Variants in ERO1A observed in about 807,000 individuals in gnomAD.
ERO1A encodes the protein ERO1-like protein alpha.
In ERO1A, 49 loss-of-function variants were observed where a neutral mutation model predicts 76.9. The ratio of observed to expected loss-of-function variants is 0.64; its 90% CI spans 0.51 to 0.81. The LOEUF is 0.81. ERO1A is among the 30% of genes least tolerant of loss of function. The pLI is 0.00. For missense variants in ERO1A, 448 were observed against 542.1 expected (o/e 0.83, Z 1.72); for synonymous variants, 174 against 181.2 (o/e 0.96, Z 0.32).
chr14:52,657,480 C>A (rs1276279112), intron 11 of ERO1A, among the ~76,000 whole-genome samples: 1 of 152,138 alleles, frequency 6.6e-6, no homozygotes, highest in Non-Finnish European at 1.5e-5. Context: ...AAATATGGTA[C>A]TGATGAAAAT....
intron 1 of ERO1A, among the ~76,000 whole-genome samples, chr14:52,688,978 G>A (rs1041746390): frequency 3.3e-5 from 5 of 151,368 alleles, no homozygotes; most frequent in African/African-American, 7.3e-5. Flanking sequence ...TTTTTGAGAC[G>A]GAGTTTTATT....
chr14:52,663,663 G>GT, intron 8 of ERO1A, 138 bp downstream of exon 8: 1 of 523,272 alleles, frequency 1.9e-6, no homozygotes, highest in East Asian at 3.2e-5. Context: ...CTCTGCAAGC[G>GT]TGAGGCATAA....
chr14:52,646,214 G>C lies in ERO1A; in HGVS notation c.1286C>G (p.Pro429Arg). 6.2e-7 allele frequency: 1 copy of C among 1,613,638 alleles called. No homozygotes were observed. Among genetic ancestry groups the C allele is most frequent in the East Asian group, 2.2e-5 (1 of 44,838 alleles). Reference sequence around the variant, plus strand: ...TCTGGTTAGATGGAATTCATAACTAGGTCCACTTTCTGGCATATTTGCTAT... The same window carrying C: ...TCTGGTTAGATGGAATTCATAACTACGTCCACTTTCTGGCATATTTGCTAT... Reference protein sequence around the residue: ...KLIANMPESGPSYEFHLTRQE... With the variant: ...KLIANMPESGRSYEFHLTRQE... Residue 429 changes from proline (P) to arginine (R), a missense_variant, in exon 15 of 16, where the codon CCT becomes CGT. By Grantham distance (103) the Pro-to-Arg change is moderately radical. Transcript: ENST00000395686.
intron 8 of ERO1A, among the ~76,000 whole-genome samples, chr14:52,663,561 C>CAG (rs2040301777): frequency 6.6e-6 from 1 of 150,674 alleles, no homozygotes; most frequent in African/African-American, 2.5e-5. Context: ...AGTCACGCCA[C>CAG]TGCACTCCAG....
intron 6 of ERO1A, 100 bp downstream of exon 6, chr14:52,671,530 G>C (rs2040596777): frequency 5.4e-6 from 4 of 743,908 alleles, no homozygotes; most frequent in Non-Finnish European, 6.4e-6. Context: ...GATAAGCTGG[G>C]ACTACAGGCA....
At chr14:52,693,797 C>T (rs368275823) in intron 1 of ERO1A, among the ~76,000 whole-genome samples, 1 of 151,978 alleles carries the variant, frequency 6.6e-6, no homozygotes, top group African/African-American at 2.4e-5. Flanking sequence ...CACACCCAGC[C>T]CAATTTACTA....
At chr14:52,694,964 C>T (rs560539604) in intron 1 of ERO1A, among the ~76,000 whole-genome samples, 9 of 152,218 alleles carry the variant, frequency 5.9e-5, no homozygotes, top group Non-Finnish European at 1.0e-4. Context: ...TGGCGAAATG[C>T]ACGCAGCACA....
chr14:52,662,844 A>G (rs2040271897), intron 8 of ERO1A, among the ~76,000 whole-genome samples: 1 of 152,214 alleles, frequency 6.6e-6, no homozygotes, highest in Non-Finnish European at 1.5e-5. Context: ...GGCTCTATAT[A>G]GAGAGATAAA....
rs1388977432 is a variant in ERO1A, at chr14:52,640,668, A to G, written c.*2902T>C. On this transcript the variant is annotated 3_prime_UTR_variant, in exon 16 of 16. Transcript: ENST00000395686. ...CTGTAGGTATTTATTAATAATAGCA[A>G]TGAAGATGAAAGAGTGATGTATCAG... 1 of 152,216 alleles carries G rather than the reference A, an allele frequency of 6.6e-6. No homozygotes were observed. Among genetic ancestry groups the G allele is most frequent in the Non-Finnish European group, 1.5e-5 (1 of 68,054 alleles). 9.4% of individuals were successfully genotyped at this position (152,216 alleles called of 1,614,324 possible). A position where few individuals can be genotyped will look rare whatever the true frequency, so the allele number is the denominator to read the frequency against.
chr14:52,692,774 G>T (rs973305532), intron 1 of ERO1A, among the ~76,000 whole-genome samples: 7 of 152,044 alleles, frequency 4.6e-5, no homozygotes, highest in African/African-American at 1.7e-4. Flanking sequence ...TTGAATGAAT[G>T]ATTTGCACCA....
In ERO1A at chr14:52,643,132, C is replaced by T. The variant is rs2039530213; in HGVS notation, c.*438G>A. The T allele has an allele frequency of 2.0e-5, 3 of 152,402 alleles. No individual in the cohort carries two copies. Among genetic ancestry groups the T allele is most frequent in the Admixed American group, 1.3e-4 (2 of 15,286 alleles). 9.4% of individuals were successfully genotyped at this position (152,402 alleles called of 1,614,324 possible). On this transcript the variant is annotated 3_prime_UTR_variant, in exon 16 of 16. Coordinates refer to ENST00000395686, the MANE Select transcript of ERO1A (RefSeq NM_014584.3). ...TATTTTTATTTGCTAAATCCAGCAACCCTAAATGTACTGAAAAATTCTACG... is the reference window on the plus strand; with the variant it reads ...TATTTTTATTTGCTAAATCCAGCAATCCTAAATGTACTGAAAAATTCTACG...
rs1410447787 is a variant in ERO1A at position 52,642,411 on chromosome 14, AC to A, written c.*1158del. On this transcript the variant is annotated 3_prime_UTR_variant, in exon 16 of 16. Transcript: ENST00000395686. ...AATAAATAGCCTACCCTATTACTAT[AC>A]ACATCAAGCATAAAACGGGCAACAA... 6.6e-5 allele frequency: 10 copies of A among 152,162 alleles called. No homozygotes were observed. Among genetic ancestry groups the A allele is most frequent in the Non-Finnish European group, 1.5e-4 (10 of 68,030 alleles). 9.4% of individuals were successfully genotyped at this position (152,162 alleles called of 1,614,324 possible).
intron 8 of ERO1A, among the ~76,000 whole-genome samples, 165 bp from the exon 9 acceptor site, chr14:52,661,469 T>C (rs1199981938): frequency 6.6e-6 from 1 of 152,166 alleles, no homozygotes; most frequent in East Asian, 1.9e-4. Flanking sequence ...TGCAACTCTA[T>C]CTGGTAGTGA....
chr14:52,675,201 T>C (rs534819084), intron 4 of ERO1A, among the ~76,000 whole-genome samples: 42 of 152,104 alleles, frequency 2.8e-4, no homozygotes, highest in Non-Finnish European at 5.1e-4. Flanking sequence ...TTGGCCAACA[T>C]GGTGAAACCC....
At position 52,661,298 on chromosome 14, in the gene ERO1A, C is replaced by G; in HGVS notation, c.683G>C (p.Ser228Thr). Residue 228 changes from serine to threonine, a missense_variant, in exon 9 of 16, where the codon AGT becomes ACT. Ser to Thr is a moderately conservative substitution (Grantham distance 58, BLOSUM62 1). Transcript: ENST00000395686. ...LNPLASGQGT[S>T]EENTFYSWLE... ...ATATAATAAATTATACTTACCTTCA[C>G]TTGTCCCTGAAAAGCAAAACAAAAT... 5 of 1,352,274 alleles carry G rather than the reference C, an allele frequency of 3.7e-6. No homozygotes were observed. Among genetic ancestry groups the G allele is most frequent in the Non-Finnish European group, 5.0e-6 (5 of 1,008,082 alleles). 83.8% of individuals were successfully genotyped at this position (1,352,274 alleles called of 1,614,324 possible).
chr14:52,690,744 T>G (rs1032890045), intron 1 of ERO1A, among the ~76,000 whole-genome samples: 2 of 152,210 alleles, frequency 1.3e-5, no homozygotes, highest in Admixed American at 1.3e-4. Flanking sequence ...ATCAAAACAT[T>G]ATGTGGTACA....
At chr14:52,645,112 T>C (rs2039601614) in intron 15 of ERO1A, among the ~76,000 whole-genome samples, 1 of 152,120 alleles carries the variant, frequency 6.6e-6, no homozygotes, top group African/African-American at 2.4e-5. Flanking sequence ...AACCTTTTTA[T>C]ATAATGGTGA....
intron 7 of ERO1A, among the ~76,000 whole-genome samples, chr14:52,665,020 C>G (rs79984841): frequency 1.3e-5 from 2 of 150,530 alleles, no homozygotes; most frequent in South Asian, 2.1e-4. Context: ...AATCCCAGCA[C>G]TTTGGGCATG....
At chr14:52,679,150 C>A (rs1030802537) in intron 3 of ERO1A, among the ~76,000 whole-genome samples, 1 of 152,066 alleles carries the variant, frequency 6.6e-6, no homozygotes, top group South Asian at 2.1e-4. Context: ...ATGCTTCTTC[C>A]CCCTGCAGAA....
Sources: allele counts gnomAD v4.1 joint callset (sites outside exome capture counted in the v4.1 genomes callset), GRCh38; gene constraint gnomAD v4.1.1; transcripts MANE v1.5; gene names NCBI Gene and HGNC (gene_info 2026-07-23, HGNC 2026-07-21).